The following TFCP2 variants were observed in gnomAD, a reference collection of about 807,000 sequenced individuals.
The protein encoded by TFCP2 is alpha-globin transcription factor CP2.
TFCP2 carries 33 observed loss-of-function variants against 73.4 expected under a neutral mutation model. The ratio of observed to expected loss-of-function variants is 0.45; its 90% CI spans 0.34 to 0.60. The LOEUF (loss-of-function observed/expected upper bound fraction) is 0.60, where lower values mean the gene tolerates loss of function less well. TFCP2 is among the 20% of genes least tolerant of loss of function. TFCP2 has a pLI of 0.01. For missense variants in TFCP2, 352 were observed against 604.0 expected (o/e 0.58, Z 4.37); for synonymous variants, 193 against 211.6 (o/e 0.91, Z 0.76).
In TFCP2 at chr12:51,172,521, A is replaced by G; in HGVS notation, c.-99T>C. On this transcript the variant is annotated 5_prime_UTR_variant, in exon 1 of 15. Transcript: ENST00000257915. The stretch of plus-strand genomic sequence containing the variant: ...GTAACGCAAACCAAGAAAACTACAA[A>G]CCAAGGTTTCCCACGCAGTGCCCAC... The G allele has an allele frequency of 6.5e-7, 1 of 1,545,396 alleles. No individual in the cohort carries two copies.
rs549789991 is a variant in TFCP2, at chr12:51,121,032, GT to G, written c.123-2261del. On this transcript the variant is annotated intron_variant, in intron 1 of 14. Coordinates refer to ENST00000257915, the MANE Select transcript of TFCP2 (RefSeq NM_005653.5). ...TATGTTTGAAATTTTCCACAGTAAA[GT>G]TTTTTTTAAAAAAGAAAAAATATAT... Among the ~76,000 whole-genome samples the G allele has an allele frequency of 2.4e-3, 358 of 147,000 alleles. 1 individual carries two copies. The highest frequency in any genetic ancestry group is 0.012 in the South Asian group (53 of 4,496).
chr12:51,145,695 C>T (rs1206284501), intron 1 of TFCP2, among the ~76,000 whole-genome samples: 1 of 150,452 alleles, frequency 6.6e-6, no homozygotes, highest in African/African-American at 2.4e-5. Context: ...TGCCTGTAAT[C>T]CCAACACTTT....
intron 1 of TFCP2, among the ~76,000 whole-genome samples, chr12:51,127,722 A>C (rs1940845070): frequency 6.6e-6 from 1 of 152,212 alleles, no homozygotes; most frequent in South Asian, 2.1e-4. Context: ...ATTAGTGACC[A>C]AGATAAATAA....
intron 1 of TFCP2, among the ~76,000 whole-genome samples, chr12:51,162,185 C>T (rs1941663923): frequency 6.6e-6 from 1 of 152,030 alleles, no homozygotes; most frequent in African/African-American, 2.4e-5. Context: ...GTGGCTCACA[C>T]CTGTAATCCC....
chr12:51,142,203 C>CA (rs3053458), intron 1 of TFCP2, among the ~76,000 whole-genome samples: 5,658 of 52,724 alleles, frequency 0.11, 1,683 homozygotes, highest in African/African-American at 0.21. Flanking sequence ...GACTCTGTCG[C>CA]AAAAAAAAAA....
rs539005299 is a variant in TFCP2, at chr12:51,172,289, A to G, written c.122+12T>C. On this transcript the variant is annotated intron_variant, in intron 1 of 14. Coordinates refer to ENST00000257915, the MANE Select transcript of TFCP2 (RefSeq NM_005653.5). ...ATTCAGAAGGTGTAGGGTCTGGGAAAATCTCACTCACCTCATGCTATAGGC... is the reference window on the plus strand; with the variant it reads ...ATTCAGAAGGTGTAGGGTCTGGGAAGATCTCACTCACCTCATGCTATAGGC... 1 of 1,613,652 alleles carries G rather than the reference A, an allele frequency of 6.2e-7. No individual in the cohort carries two copies. The highest frequency in any genetic ancestry group is 1.7e-5 in the Admixed American group (1 of 59,964).
intron 1 of TFCP2, among the ~76,000 whole-genome samples, chr12:51,149,545 G>C (rs1008744106): frequency 6.6e-6 from 1 of 152,152 alleles, no homozygotes; most frequent in Non-Finnish European, 1.5e-5. Context: ...AGGAGTAACA[G>C]CATAACTTAA....
Position 51,172,555 on chromosome 12 carries a change from C to CCCA in TFCP2, c.-136_-134dup. 3 of 1,229,658 alleles carry CCCA rather than the reference C, an allele frequency of 2.4e-6. No individual in the cohort carries two copies. Among genetic ancestry groups the CCCA allele is most frequent in the Non-Finnish European group, 3.4e-6 (3 of 879,750 alleles). 76.2% of individuals were successfully genotyped at this position (1,229,658 alleles called of 1,614,324 possible). A position where few individuals can be genotyped will look rare whatever the true frequency, so the allele number is the denominator to read the frequency against. ...TCCCACGCAGTGCCCACCAGCCACC[C>CCCA]CCAAGCCCGACCAGCACTGCTCTGT... On this transcript the variant is annotated 5_prime_UTR_variant, in exon 1 of 15. Coordinates refer to ENST00000257915, the MANE Select transcript of TFCP2 (RefSeq NM_005653.5).
chr12:51,107,756 G>A (rs564211309), intron 6 of TFCP2, among the ~76,000 whole-genome samples: 23 of 151,796 alleles, frequency 1.5e-4, no homozygotes, highest in South Asian at 6.2e-4. Context: ...ACAGGCGTCC[G>A]CCACCACACC....
intron 1 of TFCP2, among the ~76,000 whole-genome samples, chr12:51,125,880 G>A (rs1940802675): frequency 6.6e-6 from 1 of 152,136 alleles, no homozygotes; most frequent in South Asian, 2.1e-4. Context: ...GGCGGATCAT[G>A]AGGTCAGCAG....
At chr12:51,103,634 C>T (rs1414447578) in intron 10 of TFCP2, 36 bp downstream of exon 10, 2 of 1,576,014 alleles carry the variant, frequency 1.3e-6, no homozygotes, top group South Asian at 1.1e-5. Flanking sequence ...AGGAAAATTT[C>T]ATGCTAGGGA....
chr12:51,104,315 G>A (rs1182437179), intron 8 of TFCP2, 112 bp from the exon 9 acceptor site: 1 of 880,352 alleles, frequency 1.1e-6, no homozygotes, highest in East Asian at 2.6e-5. Flanking sequence ...AAAAATCTGT[G>A]CTCTCTCATA....
chr12:51,117,933 C>T (rs1273996137), intron 2 of TFCP2, among the ~76,000 whole-genome samples, 186 bp from the exon 3 acceptor site: 1 of 152,190 alleles, frequency 6.6e-6, no homozygotes, highest in Non-Finnish European at 1.5e-5. Context: ...TCTCATTTAA[C>T]TGATATACTT....
At chr12:51,156,136 C>G (rs1052492324) in intron 1 of TFCP2, among the ~76,000 whole-genome samples, 2 of 151,656 alleles carry the variant, frequency 1.3e-5, no homozygotes, top group Non-Finnish European at 2.9e-5. Context: ...CAAGACTATT[C>G]ATCCATTTTG....
chr12:51,094,026 A>C lies in TFCP2; in HGVS notation c.*1215T>G, dbSNP rs1156791488. On this transcript the variant is annotated 3_prime_UTR_variant, in exon 15 of 15. Coordinates refer to ENST00000257915, the MANE Select transcript of TFCP2 (RefSeq NM_005653.5). The stretch of plus-strand genomic sequence containing the variant: ...ACACACACACAATCATTCTTAAGGA[A>C]GAACAAAAACATGGTAAGAGTGTGA... 1.3e-5 allele frequency: 2 copies of C among 152,136 alleles called. No individual in the cohort carries two copies. The highest frequency in any genetic ancestry group is 2.9e-5 in the Non-Finnish European group (2 of 68,036). The allele number at this position is 152,136 out of a possible 1,614,324, so 9.4% of individuals were successfully genotyped here. A position where few individuals can be genotyped will look rare whatever the true frequency, so the allele number is the denominator to read the frequency against.
At chr12:51,102,102 T>A in intron 10 of TFCP2, 77 bp from the exon 11 acceptor site, 2 of 982,844 alleles carry the variant, frequency 2.0e-6, no homozygotes, top group Admixed American at 1.9e-5. Flanking sequence ...GGCTGTATTA[T>A]AAGGACACCT....
At chr12:51,096,825 C>A (rs1939974964) in intron 13 of TFCP2, among the ~76,000 whole-genome samples, 1 of 152,106 alleles carries the variant, frequency 6.6e-6, no homozygotes, top group Non-Finnish European at 1.5e-5. Context: ...GGAATTGATG[C>A]TGAAATCCTG....
Position 51,115,119 on chromosome 12 carries a change from C to CT in TFCP2, c.457+1195dup, listed in dbSNP as rs767275906. Among the ~76,000 whole-genome samples, 690 of 83,746 alleles carry CT rather than the reference C, an allele frequency of 8.2e-3. 8 individuals are homozygous for CT. The highest frequency in any genetic ancestry group is 0.018 in the African/African-American group (417 of 23,432). 54.9% of individuals were successfully genotyped at this position (83,746 alleles called of 152,430 possible). On this transcript the variant is annotated intron_variant, in intron 4 of 14. Transcript: ENST00000257915. ...TGACAAGGATTGGAGAAATTGGAAC[C>CT]TTTTTTTTTTTTTTTTTTTTGAGAG...
chr12:51,095,228 A>G lies in TFCP2; in HGVS notation c.*13T>C. 2 of 1,614,110 alleles carry G rather than the reference A, an allele frequency of 1.2e-6. No individual in the cohort carries two copies. Among genetic ancestry groups the G allele is most frequent in the South Asian group, 1.1e-5 (1 of 91,080 alleles). ...AAGGAAGGAGCAGCCACTGGGCACG[A>G]AACGCCGCACTCCTACTTCAGTATG... On this transcript the variant is annotated 3_prime_UTR_variant, in exon 15 of 15. Transcript: ENST00000257915.
Sources: allele counts gnomAD v4.1 joint callset (sites outside exome capture counted in the v4.1 genomes callset), GRCh38; gene constraint gnomAD v4.1.1; transcripts MANE v1.5; gene names NCBI Gene and HGNC (gene_info 2026-07-23, HGNC 2026-07-21).